The following CREB3L1 variants were observed in gnomAD, a reference collection of about 807,000 sequenced individuals.
CREB3L1 encodes the protein cAMP responsive element binding protein 3 like 1.
In CREB3L1, 33 loss-of-function variants were observed where a neutral mutation model predicts 54.5. The observed-to-expected ratio is 0.61, with a 90% CI of 0.46 to 0.81. The LOEUF is 0.81. Ranked by LOEUF, CREB3L1 falls within the 30% of genes least tolerant of loss-of-function variation. CREB3L1 has a pLI of 0.00. For synonymous variants in CREB3L1, 284 were observed against 286.4 expected, an observed-to-expected ratio of 0.99 and a Z score of 0.08; for missense variants, 656 against 673.3, an observed-to-expected ratio of 0.97 and a Z score of 0.29.
intron 1 of CREB3L1, among the ~76,000 whole-genome samples, chr11:46,284,567 T>G (rs1210159657): frequency 6.6e-6 from 1 of 150,768 alleles, no homozygotes; most frequent in Non-Finnish European, 1.5e-5. Context: ...GCCAGGAGAA[T>G]CGCTTGAACC....
intron 1 of CREB3L1, among the ~76,000 whole-genome samples, chr11:46,283,278 A>G (rs1203771261): frequency 6.6e-6 from 1 of 152,238 alleles, no homozygotes; most frequent in African/African-American, 2.4e-5. Context: ...TTAACGAAAA[A>G]CAGTATTTTT....
intron 3 of CREB3L1, among the ~76,000 whole-genome samples, chr11:46,309,704 C>T (rs748890137): frequency 6.6e-6 from 1 of 152,248 alleles, no homozygotes; most frequent in Non-Finnish European, 1.5e-5. Flanking sequence ...GTGTGGCCTT[C>T]ACAGTTGGTG....
chr11:46,305,628 GTATATATATA>G (rs1939375118), intron 2 of CREB3L1, among the ~76,000 whole-genome samples: 1 of 133,178 alleles, frequency 7.5e-6, no homozygotes, highest in African/African-American at 2.9e-5. Context: ...GTATATATAT[GTATATATATA>G]CATATATATG....
At chr11:46,305,062 C>T (rs111588206) in intron 2 of CREB3L1, among the ~76,000 whole-genome samples, 11 of 152,282 alleles carry the variant, frequency 7.2e-5, no homozygotes, top group African/African-American at 1.7e-4. Context: ...TACTGCCTCT[C>T]CCCGACCACA....
At chr11:46,309,490 A>G (rs1939452867) in intron 3 of CREB3L1, among the ~76,000 whole-genome samples, 2 of 152,218 alleles carry the variant, frequency 1.3e-5, no homozygotes, top group South Asian at 4.1e-4. Flanking sequence ...AGGAGCTCTC[A>G]TTGCCTCCAA....
In CREB3L1 at chr11:46,317,394, T is replaced by G. The variant is rs757269277; in HGVS notation, c.1165T>G (p.Ser389Ala). 1.1e-5 allele frequency: 18 copies of G among 1,613,738 alleles called. No homozygotes were observed. The highest frequency in any genetic ancestry group is 8.5e-6 in the Non-Finnish European group (10 of 1,179,868). The change falls in exon 10 of 12, where the codon TCC (serine) becomes GCC (alanine). Residue 389 changes from serine to alanine, a missense_variant. Physicochemically the swap from Ser to Ala is moderately conservative, Grantham distance 99 (BLOSUM62 1). Coordinates refer to ENST00000621158, the MANE Select transcript of CREB3L1 (RefSeq NM_052854.4). Reference protein sequence around the residue: ...AALCFVLVLGSLVPCLPEFSS... With the variant: ...AALCFVLVLGALVPCLPEFSS... ...CTTGTGCTTTGTTCTGGTGCTGGGC[T>G]CCCTCGTGCCCTGCCTTCCCGAGTT...
intron 3 of CREB3L1, among the ~76,000 whole-genome samples, chr11:46,309,484 G>A (rs1939452768): frequency 6.6e-6 from 1 of 152,328 alleles, no homozygotes; most frequent in Middle Eastern, 3.4e-3. Flanking sequence ...CCCATTAGGA[G>A]CTCTCATTGC....
intron 4 of CREB3L1, among the ~76,000 whole-genome samples, chr11:46,310,678 C>A (rs1165114968): frequency 6.6e-6 from 1 of 152,054 alleles, no homozygotes; most frequent in Non-Finnish European, 1.5e-5. Flanking sequence ...TGAGCTAGAG[C>A]TTAGTGATCT....
At chr11:46,282,827 A>G (rs538491084) in intron 1 of CREB3L1, among the ~76,000 whole-genome samples, 2 of 152,350 alleles carry the variant, frequency 1.3e-5, no homozygotes, top group Admixed American at 1.3e-4. Flanking sequence ...GCACAGTCAC[A>G]TGGGACAAAA....
intron 10 of CREB3L1, among the ~76,000 whole-genome samples, chr11:46,318,369 G>A (rs764212504): frequency 6.6e-6 from 1 of 152,188 alleles, no homozygotes; most frequent in Admixed American, 6.5e-5. Context: ...AACGTACAGT[G>A]GTTAGGAGCA....
chr11:46,283,163 C>G (rs1939004726), intron 1 of CREB3L1, among the ~76,000 whole-genome samples: 1 of 152,068 alleles, frequency 6.6e-6, no homozygotes, highest in Non-Finnish European at 1.5e-5. Context: ...TGCACTCCAG[C>G]CTGGGCAACA....
intron 1 of CREB3L1, among the ~76,000 whole-genome samples, chr11:46,290,276 C>T (rs1260084078): frequency 2.0e-5 from 3 of 152,134 alleles, no homozygotes; most frequent in Non-Finnish European, 4.4e-5. Flanking sequence ...CAAGATTCCC[C>T]CATCTCCTCC....
chr11:46,296,235 A>C (rs1416560211), intron 1 of CREB3L1, among the ~76,000 whole-genome samples: 2 of 152,070 alleles, frequency 1.3e-5, no homozygotes, highest in Non-Finnish European at 2.9e-5. Flanking sequence ...TAGAGGGGAC[A>C]AGGGGGCGTG....
intron 3 of CREB3L1, among the ~76,000 whole-genome samples, chr11:46,308,957 A>G (rs2136352661): frequency 6.6e-6 from 1 of 152,342 alleles, no homozygotes; most frequent in East Asian, 1.9e-4. Flanking sequence ...AGAAAGGGAA[A>G]CTGAGGCTCA....
At chr11:46,289,969 G>C (rs1441575237) in intron 1 of CREB3L1, among the ~76,000 whole-genome samples, 1 of 152,194 alleles carries the variant, frequency 6.6e-6, no homozygotes. Flanking sequence ...TGGGTGATCA[G>C]GGACTCTCCC....
chr11:46,280,184 T>C (rs1424986438), intron 1 of CREB3L1, among the ~76,000 whole-genome samples: 3 of 140,404 alleles, frequency 2.1e-5, no homozygotes, highest in Non-Finnish European at 4.7e-5. Flanking sequence ...TTTTTTTTTG[T>C]TTTTTGTTTT....
intron 1 of CREB3L1, among the ~76,000 whole-genome samples, chr11:46,292,822 A>T (rs968097520): frequency 6.6e-6 from 1 of 151,476 alleles, no homozygotes; most frequent in Non-Finnish European, 1.5e-5. Flanking sequence ...GGATCTCGCT[A>T]TGTTGCCCAG....
At chr11:46,297,214 C>G (rs970517011) in intron 1 of CREB3L1, among the ~76,000 whole-genome samples, 1 of 152,220 alleles carries the variant, frequency 6.6e-6, no homozygotes, top group Non-Finnish European at 1.5e-5. Flanking sequence ...GCGGCCCTGG[C>G]TGTGGCTGGC....
rs547747068 is a variant in CREB3L1 at position 46,314,040 on chromosome 11, C to A, written c.1031+1121C>A. ...TCACTTGAGGCCAAGAGTTCGAGAC[C>A]AGCCTGGCCAACATGGTGAAACCCC... On this transcript the variant is annotated intron_variant, in intron 8 of 11. Coordinates refer to ENST00000621158, the MANE Select transcript of CREB3L1 (RefSeq NM_052854.4). Among the ~76,000 whole-genome samples the A allele has an allele frequency of 7.2e-5, 11 of 152,200 alleles. No individual in the cohort carries two copies. The South Asian group carries it at 2.3e-3, about 32-fold the overall frequency.
Sources: gnomAD v4.1 joint callset for allele counts (sites outside exome capture counted in the v4.1 genomes callset) on GRCh38, gnomAD v4.1.1 for gene constraint, MANE v1.5 for transcripts, NCBI Gene and HGNC (gene_info 2026-07-23, HGNC 2026-07-21) for gene names.